Variants in ASIP observed in about 807,000 individuals in gnomAD.
ASIP encodes the protein agouti signaling protein.
Under a neutral mutation model 10.3 loss-of-function variants are expected in ASIP, and 11 were observed. The observed-to-expected ratio is 1.07, with a 90% CI of 0.68 to 1.78. ASIP has a LOEUF of 1.78. Ranked by LOEUF, ASIP falls within the 40% of genes most tolerant of loss-of-function variation. The probability of loss-of-function intolerance (pLI) is 0.00; values close to 1 mark genes in which losing one functional copy is unlikely to be tolerated. For synonymous variants in ASIP, 70 were observed against 70.8 expected, an observed-to-expected ratio of 0.99 and a Z score of 0.06; for missense variants, 180 against 169.2, an observed-to-expected ratio of 1.06 and a Z score of -0.35.
chr20:34,238,235 GT>G (rs2035236659), upstream of ASIP, among the ~76,000 whole-genome samples: 1 of 151,966 alleles, frequency 6.6e-6, no homozygotes, highest in South Asian at 2.1e-4. Context: ...AATATTCTGG[GT>G]TTTTTTCTCT....
intron 3 of ASIP, among the ~76,000 whole-genome samples, chr20:34,267,294 A>G (rs2035801877): frequency 6.6e-6 from 1 of 152,020 alleles, no homozygotes; most frequent in Non-Finnish European, 1.5e-5. Flanking sequence ...TGAAGGGAAG[A>G]GTGGTCTGGG....
At chr20:34,251,141 G>A (rs2035468264) in intron 1 of ASIP, among the ~76,000 whole-genome samples, 1 of 152,122 alleles carries the variant, frequency 6.6e-6, no homozygotes, top group African/African-American at 2.4e-5. Context: ...CAGTGGGCTT[G>A]TACAAACTTT....
chr20:34,214,845 A>C, intron 1 of ASIP: 1 of 1,603,500 alleles, frequency 6.2e-7, no homozygotes, highest in Admixed American at 1.7e-5. Flanking sequence ...AAATATCATC[A>C]TCCTCATGAA....
At chr20:34,237,062 G>T (rs747950035), upstream of ASIP, among the ~76,000 whole-genome samples, 1 of 152,018 alleles carries the variant, frequency 6.6e-6, no homozygotes, top group Non-Finnish European at 1.5e-5. Flanking sequence ...TCTATTATGG[G>T]TTTATTTATT....
chr20:34,197,218 C>G (rs942845518), intron 1 of ASIP, among the ~76,000 whole-genome samples: 2 of 152,030 alleles, frequency 1.3e-5, no homozygotes, highest in African/African-American at 4.8e-5. Context: ...ACTAAAAATA[C>G]AAAAATTAGC....
intron 1 of ASIP, among the ~76,000 whole-genome samples, chr20:34,220,935 T>G (rs1198273081): frequency 6.6e-6 from 1 of 151,422 alleles, no homozygotes; most frequent in Non-Finnish European, 1.5e-5. Flanking sequence ...GATGTTTTTC[T>G]TCCTTTCTTC....
chr20:34,255,658 C>A (rs2035554733), intron 1 of ASIP, among the ~76,000 whole-genome samples: 1 of 152,184 alleles, frequency 6.6e-6, no homozygotes, highest in African/African-American at 2.4e-5. Flanking sequence ...ACAATTATAA[C>A]CTAGGAAAAA....
At chr20:34,254,024 A>G (rs1443848404) in intron 1 of ASIP, among the ~76,000 whole-genome samples, 1 of 151,958 alleles carries the variant, frequency 6.6e-6, no homozygotes, top group African/African-American at 2.4e-5. Context: ...ACAGCTACTC[A>G]TTGCTGTCAG....
chr20:34,233,464 A>C (rs1291690334), intron 1 of ASIP, among the ~76,000 whole-genome samples: 1 of 152,114 alleles, frequency 6.6e-6, no homozygotes, highest in Non-Finnish European at 1.5e-5. Flanking sequence ...ATAAACTTTG[A>C]AAACATTTTG....
At chr20:34,265,547 G>C (rs2035769536) in intron 3 of ASIP, among the ~76,000 whole-genome samples, 1 of 152,066 alleles carries the variant, frequency 6.6e-6, no homozygotes, top group Non-Finnish European at 1.5e-5. Context: ...ATTTTTGACT[G>C]TGTGTAAAGA....
chr20:34,243,831 G>A (rs1449794109), intron 1 of ASIP, among the ~76,000 whole-genome samples: 2 of 151,348 alleles, frequency 1.3e-5, no homozygotes, highest in African/African-American at 2.4e-5. Context: ...TTGGGAGGCC[G>A]AGGCGGGTGG....
intron 1 of ASIP, among the ~76,000 whole-genome samples, chr20:34,207,559 G>T (rs1012019691): frequency 2.0e-5 from 3 of 151,878 alleles, no homozygotes; most frequent in African/African-American, 7.3e-5. Flanking sequence ...TTTTTGCTTT[G>T]GTTGCTTGTG....
chr20:34,194,079 G>T (rs1171314972), upstream of ASIP, among the ~76,000 whole-genome samples: 1 of 152,138 alleles, frequency 6.6e-6, no homozygotes, highest in East Asian at 1.9e-4. Flanking sequence ...TTGAACTCCT[G>T]CTCCCTGGAG....
upstream of ASIP, among the ~76,000 whole-genome samples, chr20:34,189,849 G>C (rs574699928): frequency 7.2e-5 from 11 of 152,168 alleles, no homozygotes; most frequent in Non-Finnish European, 1.5e-4. Flanking sequence ...AAAGGAGCAA[G>C]TACTCTGGTT....
intron 1 of ASIP, among the ~76,000 whole-genome samples, chr20:34,205,161 G>A (rs2034926261): frequency 6.6e-6 from 1 of 152,236 alleles, no homozygotes; most frequent in Non-Finnish European, 1.5e-5. Context: ...TGTGTCCGGA[G>A]TTTGTTCCTT....
intron 1 of ASIP, among the ~76,000 whole-genome samples, chr20:34,227,629 C>CAA (rs1207391194): frequency 0.018 from 1,510 of 82,570 alleles, 37 homozygotes; most frequent in African/African-American, 0.045. Flanking sequence ...GGCTCCATCT[C>CAA]AAAAAAAAAA....
chr20:34,213,364 T>TA (rs1183044681), intron 1 of ASIP: 1 of 577,960 alleles, frequency 1.7e-6, no homozygotes, highest in Non-Finnish European at 3.0e-6. Flanking sequence ...CAAAACAGTC[T>TA]AAGACAGAAA....
chr20:34,265,745 T>G (rs1466546986), intron 3 of ASIP, among the ~76,000 whole-genome samples: 1 of 150,798 alleles, frequency 6.6e-6, no homozygotes, highest in Non-Finnish European at 1.5e-5. Flanking sequence ...AGGTCAGGAA[T>G]TTAAGACCAG....
chr20:34,260,287 G>C, intron 1 of ASIP, 78 bp from the exon 2 acceptor site: 2 of 1,443,060 alleles, frequency 1.4e-6, no homozygotes, highest in Non-Finnish European at 1.9e-6. Flanking sequence ...CCAGCCCAAA[G>C]AAGCACAAAG....
Sources: allele counts gnomAD v4.1 joint callset (sites outside exome capture counted in the v4.1 genomes callset), GRCh38; gene constraint gnomAD v4.1.1; transcripts MANE v1.5; gene names NCBI Gene and HGNC (gene_info 2026-07-23, HGNC 2026-07-21).